The following MARCHF1 variants were observed in gnomAD, a reference collection of about 807,000 sequenced individuals.
MARCHF1 encodes E3 ubiquitin-protein ligase MARCHF1.
In MARCHF1, 40 loss-of-function variants were observed where a neutral mutation model predicts 54.2. That is an observed-to-expected ratio of 0.74 (90% confidence interval 0.57 to 0.96). The LOEUF (loss-of-function observed/expected upper bound fraction) is 0.96. MARCHF1 is among the 40% of genes least tolerant of loss of function. The probability of loss-of-function intolerance (pLI) is 0.00; values close to 1 mark genes in which losing one functional copy is unlikely to be tolerated. For synonymous variants in MARCHF1, 236 were observed against 236.3 expected (o/e 1.00, Z 0.01); for missense variants, 586 against 656.5 (o/e 0.89, Z 1.17).
intron 3 of MARCHF1, among the ~76,000 whole-genome samples, chr4:163,856,758 C>A (rs1448685637): frequency 6.6e-6 from 1 of 152,136 alleles, no homozygotes; most frequent in East Asian, 1.9e-4. Context: ...TGCCTGTAAT[C>A]CCAGCACTTT....
At chr4:164,351,493 C>A (rs1730332422) in intron 1 of MARCHF1, among the ~76,000 whole-genome samples, 1 of 151,772 alleles carries the variant, frequency 6.6e-6, no homozygotes, top group African/African-American at 2.4e-5. Flanking sequence ...CACCCCCCAG[C>A]AGGGGCACAC....
intron 1 of MARCHF1, among the ~76,000 whole-genome samples, chr4:164,271,230 C>T: frequency 6.6e-6 from 1 of 152,120 alleles, no homozygotes. Context: ...AAAGGCTTAT[C>T]AGATGTGATT....
chr4:164,024,547 T>C (rs903478337), intron 2 of MARCHF1, among the ~76,000 whole-genome samples: 1 of 152,178 alleles, frequency 6.6e-6, no homozygotes, highest in African/African-American at 2.4e-5. Context: ...ACTAAAGGAA[T>C]TCATTATAAC....
chr4:163,823,457 A>G (rs1748756342), intron 4 of MARCHF1, among the ~76,000 whole-genome samples: 1 of 151,834 alleles, frequency 6.6e-6, no homozygotes, highest in Non-Finnish European at 1.5e-5. Flanking sequence ...CTTGTCCACT[A>G]CTTGAATTTT....
chr4:163,613,122 G>C (rs1234410294), intron 6 of MARCHF1, 84 bp from the exon 7 acceptor site: 1 of 1,306,022 alleles, frequency 7.7e-7, no homozygotes, highest in Non-Finnish European at 1.0e-6. Flanking sequence ...TGATGAAAAT[G>C]ACAGCATGGA....
At chr4:164,154,820 C>G (rs917911665) in intron 1 of MARCHF1, among the ~76,000 whole-genome samples, 1 of 152,168 alleles carries the variant, frequency 6.6e-6, no homozygotes, top group South Asian at 2.1e-4. Flanking sequence ...CTTTCTGTAT[C>G]CCAAGATCTT....
At chr4:163,965,391 T>C (rs777347020) in intron 3 of MARCHF1, among the ~76,000 whole-genome samples, 2 of 152,046 alleles carry the variant, frequency 1.3e-5, no homozygotes, top group Non-Finnish European at 2.9e-5. Flanking sequence ...AGTAAGACTA[T>C]TATTTTCAGC....
intron 2 of MARCHF1, among the ~76,000 whole-genome samples, chr4:164,107,475 C>G (rs1454151998): frequency 6.6e-6 from 1 of 152,084 alleles, no homozygotes; most frequent in African/African-American, 2.4e-5. Context: ...GTCCTCTCCC[C>G]ACTCAGCATC....
At chr4:163,646,957 A>C (rs182872382) in intron 5 of MARCHF1, among the ~76,000 whole-genome samples, 3 of 152,220 alleles carry the variant, frequency 2.0e-5, no homozygotes, top group Admixed American at 2.0e-4. Context: ...TCTGATGAAA[A>C]GACAAAGTGG....
At chr4:164,194,132 G>T (rs1731191677) in intron 1 of MARCHF1, among the ~76,000 whole-genome samples, 1 of 152,106 alleles carries the variant, frequency 6.6e-6, no homozygotes, top group Non-Finnish European at 1.5e-5. Context: ...GCATTATAGT[G>T]AATCATAGAT....
At chr4:163,638,285 G>A (rs528232751) in intron 5 of MARCHF1, among the ~76,000 whole-genome samples, 314 of 151,680 alleles carry the variant, frequency 2.1e-3, no homozygotes, top group Non-Finnish European at 4.1e-3. Flanking sequence ...TAATCCCAGT[G>A]TTGGAGGTGG....
chr4:163,626,672 T>C (rs1421056913), intron 5 of MARCHF1, among the ~76,000 whole-genome samples: 1 of 152,160 alleles, frequency 6.6e-6, no homozygotes, highest in Non-Finnish European at 1.5e-5. Flanking sequence ...TTCATGCCTG[T>C]AATCCCAGCA....
chr4:163,633,351 A>C (rs1742180610), intron 5 of MARCHF1, among the ~76,000 whole-genome samples: 1 of 152,148 alleles, frequency 6.6e-6, no homozygotes, highest in South Asian at 2.1e-4. Flanking sequence ...ACTTTGAAAA[A>C]AATTTAGAAG....
chr4:163,759,541 G>A (rs1159001836), intron 4 of MARCHF1, among the ~76,000 whole-genome samples: 5 of 152,082 alleles, frequency 3.3e-5, no homozygotes, highest in African/African-American at 4.8e-5. Flanking sequence ...TCTGTATGCT[G>A]GTTGAAAAGT....
chr4:164,084,106 T>C lies in MARCHF1; in HGVS notation c.-248+27482A>G, dbSNP rs114423368. 1.9e-3 allele frequency among the ~76,000 whole-genome samples: 286 copies of C among 152,126 alleles called. 3 individuals are homozygous for C. Among genetic ancestry groups the C allele is most frequent in the African/African-American group, 6.3e-3 (260 of 41,552 alleles). ...TGAATATGTGACTTATCCCATTTCA[T>C]AGGCAAACAAATCGAGGACTTTGAA... On this transcript the variant is annotated intron_variant, in intron 2 of 9. Transcript: ENST00000514618.
At chr4:164,029,050 C>A (rs1753825297) in intron 2 of MARCHF1, among the ~76,000 whole-genome samples, 2 of 152,108 alleles carry the variant, frequency 1.3e-5, no homozygotes, top group South Asian at 4.1e-4. Context: ...ACATAGCAAC[C>A]ATTAATCTCC....
intron 2 of MARCHF1, among the ~76,000 whole-genome samples, chr4:164,090,659 AT>A (rs1160816535): frequency 1.3e-5 from 2 of 152,160 alleles, no homozygotes; most frequent in African/African-American, 4.8e-5. Flanking sequence ...TCTGGGTAAA[AT>A]TTAAGTAATC....
intron 1 of MARCHF1, among the ~76,000 whole-genome samples, chr4:164,291,652 G>A (rs938979093): frequency 1.8e-4 from 28 of 151,958 alleles, no homozygotes; most frequent in Admixed American, 1.8e-3. Context: ...TTGCTCCTAG[G>A]CTACAAACCT....
Position 163,687,940 on chromosome 4 carries a change from A to G in MARCHF1, c.162+12873T>C, listed in dbSNP as rs561139517. ...CTCTGCAGTAATTAGTGCAATAGAG[A>G]TTTGACAATTATCCAGTTAATCTGA... On this transcript the variant is annotated intron_variant, in intron 5 of 9. Coordinates refer to ENST00000514618, the MANE Select transcript of MARCHF1 (RefSeq NM_001394959.1). 7.2e-5 allele frequency among the ~76,000 whole-genome samples: 11 copies of G among 152,354 alleles called. No homozygotes were observed. The South Asian group carries it at 2.1e-3, about 29-fold the overall frequency.
Sources: allele counts gnomAD v4.1 joint callset (sites outside exome capture counted in the v4.1 genomes callset), GRCh38; gene constraint gnomAD v4.1.1; transcripts MANE v1.5; gene names NCBI Gene and HGNC (gene_info 2026-07-23, HGNC 2026-07-21).